Variants in OSBPL8 observed in about 807,000 individuals in gnomAD.
OSBPL8 encodes oxysterol binding protein like 8, also known as oxysterol-binding protein-related protein 8.
A neutral mutation model predicts 125.5 loss-of-function variants in OSBPL8; 59 were observed. That is an observed-to-expected ratio of 0.47 (90% CI 0.38 to 0.58). The LOEUF is 0.58. OSBPL8 is among the 20% of genes least tolerant of loss of function. OSBPL8 has a pLI of 0.00. For missense variants in OSBPL8, 758 were observed against 1,047.8 expected (o/e 0.72, Z 3.82); for synonymous variants, 330 against 338.9 (o/e 0.97, Z 0.29).
At chr12:76,522,516 G>A (rs577037552) in intron 1 of OSBPL8, among the ~76,000 whole-genome samples, 263 of 152,242 alleles carry the variant, frequency 1.7e-3, no homozygotes, top group Non-Finnish European at 3.0e-3. Flanking sequence ...GATGGGATGA[G>A]TTCTCAAGGG....
At chr12:76,558,423 G>A (rs548019906) in intron 1 of OSBPL8, among the ~76,000 whole-genome samples, 11 of 152,234 alleles carry the variant, frequency 7.2e-5, no homozygotes, top group Admixed American at 4.6e-4. Context: ...TGTTTTAAAG[G>A]ATTATTTCAA....
chr12:76,378,327 C>T, intron 16 of OSBPL8, 125 bp downstream of exon 16: 1 of 652,418 alleles, frequency 1.5e-6, no homozygotes, highest in Non-Finnish European at 2.6e-6. Flanking sequence ...TATCTGTAAT[C>T]CAAGGATGCT....
chr12:76,378,774 C>A (rs1047016331), intron 15 of OSBPL8, among the ~76,000 whole-genome samples: 9 of 148,720 alleles, frequency 6.1e-5, no homozygotes, highest in South Asian at 2.1e-4. Flanking sequence ...CAGTTATGTG[C>A]TTTTTTTTTT....
chr12:76,398,778 AAAG>A (rs759898808), intron 7 of OSBPL8, among the ~76,000 whole-genome samples: 3 of 152,212 alleles, frequency 2.0e-5, no homozygotes, highest in African/African-American at 4.8e-5. Flanking sequence ...AAACATTTAG[AAAG>A]AAGGAGTTGG....
chr12:76,471,753 A>G (rs1441729945), intron 2 of OSBPL8, among the ~76,000 whole-genome samples: 1 of 152,164 alleles, frequency 6.6e-6, no homozygotes, highest in Non-Finnish European at 1.5e-5. Flanking sequence ...CCAAACACCC[A>G]TCAATCCTAC....
intron 4 of OSBPL8, among the ~76,000 whole-genome samples, chr12:76,411,304 C>T (rs1445054513): frequency 2.0e-5 from 3 of 152,024 alleles, no homozygotes; most frequent in African/African-American, 7.2e-5. Context: ...TACAAAGGTA[C>T]AATTATATTG....
At chr12:76,397,958 T>C (rs1953884401) in intron 7 of OSBPL8, 61 bp from the exon 8 acceptor site, 2 of 1,383,208 alleles carry the variant, frequency 1.4e-6, no homozygotes, top group African/African-American at 2.9e-5. Context: ...CAAACGAAAA[T>C]ACTGCAAATA....
At chr12:76,481,556 G>A (rs2136987385) in intron 2 of OSBPL8, among the ~76,000 whole-genome samples, 1 of 152,184 alleles carries the variant, frequency 6.6e-6, no homozygotes, top group East Asian at 1.9e-4. Context: ...CTTAAGCCCA[G>A]GAATTCAAGG....
chr12:76,373,428 G>T lies in OSBPL8; in HGVS notation c.1833C>A (p.Phe611Leu). Residue 611 changes from phenylalanine to leucine, a missense_variant, in exon 18 of 24, where the codon TTC (phenylalanine) becomes TTA (leucine). Around this residue, in one of 3 missense-constraint regions of OSBPL8, gnomAD observed 572 missense variants for 762.0 expected, o/e 0.75. Transcript: ENST00000261183. ...SAILEFKLKP[F>L]LGSSDCVNQI... is the part of the protein sequence containing the mutation. ...GATTAACACAGTCACTACTCCCTAGGAATGGCTTTTAAACGAGAAAATGTT... is the reference window on the plus strand; with the variant it reads ...GATTAACACAGTCACTACTCCCTAGTAATGGCTTTTAAACGAGAAAATGTT... 6.3e-7 allele frequency: 1 copy of T among 1,593,132 alleles called. No individual in the cohort carries two copies. Among genetic ancestry groups the T allele is most frequent in the Non-Finnish European group, 8.6e-7 (1 of 1,167,956 alleles).
intron 21 of OSBPL8, among the ~76,000 whole-genome samples, chr12:76,364,838 G>A (rs372003176): frequency 9.9e-5 from 15 of 152,046 alleles, no homozygotes; most frequent in East Asian, 3.9e-4. Context: ...AAATTGTTTT[G>A]ACTATTTGTG....
intron 4 of OSBPL8, among the ~76,000 whole-genome samples, chr12:76,447,766 C>T (rs1454571086): frequency 2.6e-5 from 4 of 152,060 alleles, no homozygotes; most frequent in African/African-American, 4.8e-5. Flanking sequence ...AGGCTGGTCT[C>T]GAACTCCTGA....
intron 1 of OSBPL8, among the ~76,000 whole-genome samples, chr12:76,555,241 A>C (rs1272299392): frequency 6.6e-6 from 1 of 152,206 alleles, no homozygotes; most frequent in Non-Finnish European, 1.5e-5. Flanking sequence ...CTTCAAAAAC[A>C]AATTACGTAG....
chr12:76,473,345 T>G (rs1458846928), intron 2 of OSBPL8, among the ~76,000 whole-genome samples: 1 of 152,210 alleles, frequency 6.6e-6, no homozygotes, highest in Non-Finnish European at 1.5e-5. Context: ...CTCGGTCTCT[T>G]GCCTGGGCAC....
chr12:76,367,923 TTTCA>T (rs1340745985), intron 21 of OSBPL8, among the ~76,000 whole-genome samples: 2 of 152,246 alleles, frequency 1.3e-5, no homozygotes, highest in African/African-American at 4.8e-5. Context: ...TTAAATTATT[TTTCA>T]TTCATTTATT....
chr12:76,429,688 G>C (rs1359267840), intron 4 of OSBPL8, among the ~76,000 whole-genome samples: 2 of 151,930 alleles, frequency 1.3e-5, no homozygotes. Context: ...CATATAAAAG[G>C]AGTATTCTTG....
intron 1 of OSBPL8, among the ~76,000 whole-genome samples, chr12:76,491,090 A>ACTCC (rs1471261114): frequency 1.1e-3 from 161 of 152,050 alleles, no homozygotes; most frequent in African/African-American, 3.6e-3. Flanking sequence ...TCACTCACTC[A>ACTCC]CTCCCTCTCA....
intron 1 of OSBPL8, among the ~76,000 whole-genome samples, chr12:76,488,635 C>A (rs1258591136): frequency 6.6e-6 from 1 of 152,062 alleles, no homozygotes; most frequent in African/African-American, 2.4e-5. Context: ...CATTTTGGGG[C>A]ACCACAAACT....
chr12:76,543,580 T>C (rs1204614026), intron 1 of OSBPL8, among the ~76,000 whole-genome samples: 2 of 152,170 alleles, frequency 1.3e-5, no homozygotes, highest in Admixed American at 6.5e-5. Context: ...ACACCAAGTA[T>C]AGCACTGATA....
At chr12:76,471,533 C>T (rs147413278) in intron 2 of OSBPL8, among the ~76,000 whole-genome samples, 147 of 152,282 alleles carry the variant, frequency 9.7e-4, no homozygotes, top group African/African-American at 3.2e-3. Flanking sequence ...TCCACAGTTA[C>T]TGCTACTACC....
Sources: allele counts gnomAD v4.1 joint callset (sites outside exome capture counted in the v4.1 genomes callset), GRCh38; gene constraint gnomAD v4.1.1; regional missense constraint gnomAD v4.1.1; transcripts MANE v1.5; gene names NCBI Gene and HGNC (gene_info 2026-07-23, HGNC 2026-07-21).